The following SOX6 variants were observed in gnomAD, a reference collection of about 807,000 sequenced individuals.
SOX6 encodes the protein SRY-box transcription factor 6, also known as transcription factor SOX-6.
SOX6 carries 11 observed loss-of-function variants against 97.8 expected under a neutral mutation model. The observed-to-expected ratio is 0.11, with a 90% confidence interval of 0.07 to 0.19. The LOEUF (loss-of-function observed/expected upper bound fraction) is 0.19. Ranked by LOEUF, SOX6 falls within the 10% of genes least tolerant of loss-of-function variation. The pLI, the probability that SOX6 is intolerant of heterozygous loss-of-function variation, is 1.00. For synonymous variants in SOX6, 360 were observed against 371.4 expected, an observed-to-expected ratio of 0.97 and a Z score of 0.35; for missense variants, 810 against 1,039.5, an observed-to-expected ratio of 0.78 and a Z score of 3.04.
At position 16,302,632 on chromosome 11, in the gene SOX6, C is replaced by T. The variant is rs867032499; in HGVS notation, c.445+15814G>A. On this transcript the variant is annotated intron_variant, in intron 3 of 15. Coordinates refer to ENST00000683767, the MANE Select transcript of SOX6 (RefSeq NM_001367873.1). ...GTCACCCAGGCTGGAGTGCAGTGCA[C>T]GATCTCAGGTCACTGCAACCTTCGC... Among the ~76,000 whole-genome samples, 5 of 135,752 alleles carry T rather than the reference C, an allele frequency of 3.7e-5. 1 individual carries two copies. In the Middle Eastern group the frequency reaches 0.013, roughly 364 times the overall value. The allele number at this position is 135,752 out of a possible 152,430, so 89.1% of individuals were successfully genotyped here.
At chr11:16,586,562 A>AT (rs1446888230) in intron 4 of SOX6, among the ~76,000 whole-genome samples, 2 of 152,032 alleles carry the variant, frequency 1.3e-5, no homozygotes, top group Admixed American at 1.3e-4. Context: ...AAAAATAAAA[A>AT]TTTTTTGATT....
At chr11:16,498,294 A>G (rs1860642824) in intron 4 of SOX6, among the ~76,000 whole-genome samples, 1 of 152,186 alleles carries the variant, frequency 6.6e-6, no homozygotes, top group Non-Finnish European at 1.5e-5. Flanking sequence ...GCCCTAAAAG[A>G]GCTCCTGAAG....
chr11:16,359,794 C>G (rs1312489358), upstream of SOX6, among the ~76,000 whole-genome samples: 1 of 152,124 alleles, frequency 6.6e-6, no homozygotes, highest in Non-Finnish European at 1.5e-5. Flanking sequence ...ATAAAAATAA[C>G]AACCTAATGG....
chr11:16,478,508 T>C (rs182787544), upstream of SOX6, among the ~76,000 whole-genome samples: 2 of 152,344 alleles, frequency 1.3e-5, no homozygotes, highest in East Asian at 1.9e-4. Context: ...CAATAAATCT[T>C]ATTCATCATA....
At chr11:16,135,311 A>C (rs2134029172) in intron 6 of SOX6, among the ~76,000 whole-genome samples, 1 of 152,336 alleles carries the variant, frequency 6.6e-6, no homozygotes, top group Middle Eastern at 3.4e-3. Context: ...AATAATTTCA[A>C]CTTTCATAAC....
At chr11:16,715,853 C>T (rs1338235701) in intron 2 of SOX6, among the ~76,000 whole-genome samples, 1 of 152,050 alleles carries the variant, frequency 6.6e-6, no homozygotes, top group Non-Finnish European at 1.5e-5. Context: ...AAAAAAAAAT[C>T]AACTGCTTTT....
At position 16,632,434 on chromosome 11, in the gene SOX6, A is replaced by AT. The variant is rs893459851; in HGVS notation, n.430-20175dup. 2.0e-5 allele frequency among the ~76,000 whole-genome samples: 3 copies of AT among 151,996 alleles called. No individual in the cohort carries two copies. The East Asian group carries it at 5.8e-4, about 29-fold the overall frequency. ...TCAGCTTTTAGCTTGTCTGGAAAAT[A>AT]TTTTTTTTCCACACAGCTGGGTACA... On this transcript the variant is annotated intron_variant and non_coding_transcript_variant, in intron 3 of 5. Transcript: ENST00000524520.
At chr11:16,502,746 A>G (rs755021217) in intron 4 of SOX6, among the ~76,000 whole-genome samples, 1 of 152,166 alleles carries the variant, frequency 6.6e-6, no homozygotes, top group Admixed American at 6.5e-5. Context: ...TAATATTCAA[A>G]TTTTCAGTGT....
At chr11:16,009,384 A>G (rs369274487) in intron 13 of SOX6, among the ~76,000 whole-genome samples, 3 of 152,042 alleles carry the variant, frequency 2.0e-5, no homozygotes, top group Admixed American at 1.3e-4. Context: ...GAAGAAAATG[A>G]CTTGTCAAGG....
At chr11:16,359,741 A>G (rs535841400), upstream of SOX6, among the ~76,000 whole-genome samples, 20 of 152,308 alleles carry the variant, frequency 1.3e-4, no homozygotes, top group South Asian at 4.1e-3. Flanking sequence ...TAATATGAAT[A>G]ATCACAAAGG....
chr11:16,421,081 T>G (rs554867614), intron 1 of SOX6, among the ~76,000 whole-genome samples: 18 of 152,180 alleles, frequency 1.2e-4, no homozygotes, highest in Non-Finnish European at 2.5e-4. Flanking sequence ...TGAACCATGT[T>G]TCCCTTTTTC....
intron 4 of SOX6, chr11:16,484,646 T>C (rs1005371944): frequency 9.3e-6 from 6 of 645,210 alleles, no homozygotes; most frequent in African/African-American, 5.4e-5. Context: ...CCTGGCACCG[T>C]TGCTGAGCAC....
intron 3 of SOX6, among the ~76,000 whole-genome samples, chr11:16,235,420 A>G (rs992199356): frequency 6.6e-6 from 1 of 152,092 alleles, no homozygotes; most frequent in Non-Finnish European, 1.5e-5. Context: ...GATAATTACC[A>G]AATTTTTCTC....
At position 16,562,525 on chromosome 11, in the gene SOX6, A is replaced by C. The variant is rs139558753; in HGVS notation, n.609+49556T>G. Among the ~76,000 whole-genome samples, 26 of 152,266 alleles carry C rather than the reference A, an allele frequency of 1.7e-4. No homozygotes were observed. In the East Asian group the frequency reaches 4.1e-3, roughly 24 times the overall value. On this transcript the variant is annotated intron_variant and non_coding_transcript_variant, in intron 4 of 5. Transcript: ENST00000524520. ...ACTCCAGATAAACACTGGAGAAAAA[A>C]TACTATGGCTCCACCCTGACCCACT...
chr11:16,142,242 G>T (rs751181414), intron 6 of SOX6, among the ~76,000 whole-genome samples: 1 of 152,100 alleles, frequency 6.6e-6, no homozygotes, highest in Admixed American at 6.6e-5. Flanking sequence ...AGGCAAATAG[G>T]GTCTGGAGTG....
chr11:16,058,172 G>C (rs1254183302), intron 9 of SOX6, among the ~76,000 whole-genome samples: 1 of 151,498 alleles, frequency 6.6e-6, no homozygotes, highest in Non-Finnish European at 1.5e-5. Context: ...TATACTCTAT[G>C]ACAGAGTTTT....
chr11:16,651,138 A>G (rs573053785), intron 3 of SOX6, among the ~76,000 whole-genome samples: 28 of 152,050 alleles, frequency 1.8e-4, no homozygotes, highest in Non-Finnish European at 2.9e-4. Flanking sequence ...AAAACTGCCT[A>G]CAAAAAGAAA....
chr11:16,131,722 T>C (rs765100423), intron 6 of SOX6, among the ~76,000 whole-genome samples: 1 of 152,034 alleles, frequency 6.6e-6, no homozygotes, highest in Non-Finnish European at 1.5e-5. Context: ...GTCTATTCTA[T>C]GGAATACTAC....
rs56921161 is a variant in SOX6, at chr11:16,287,257, G to GTC, written c.445+31187_445+31188dup. Among the ~76,000 whole-genome samples the GTC allele has an allele frequency of 1.0e-3, 123 of 120,576 alleles. 1 individual carries two copies. The highest frequency in any genetic ancestry group is 3.9e-3 in the African/African-American group (120 of 30,548). The allele number at this position is 120,576 out of a possible 152,430, so 79.1% of individuals were successfully genotyped here. On this transcript the variant is annotated intron_variant, in intron 3 of 15. Transcript: ENST00000683767. ...TCTCCTTTTAATCTCTCTTCTCTCT[G>GTC]TCTCTCTCTCTCTCTCTCTCTCTCT...
Sources: allele counts gnomAD v4.1 joint callset (sites outside exome capture counted in the v4.1 genomes callset), GRCh38; gene constraint gnomAD v4.1.1; transcripts MANE v1.5; gene names NCBI Gene and HGNC (gene_info 2026-07-23, HGNC 2026-07-21).